The following DAPK2 variants were observed in gnomAD, a reference collection of about 807,000 sequenced individuals.
The protein encoded by DAPK2 is death-associated protein kinase 2.
Under a neutral mutation model 44.1 loss-of-function variants are expected in DAPK2, and 35 were observed. That is an observed-to-expected ratio of 0.79 (90% CI 0.61 to 1.05). The LOEUF (loss-of-function observed/expected upper bound fraction) is 1.05, where lower values mean the gene tolerates loss of function less well. Ranked by LOEUF, DAPK2 falls within the 50% of genes least tolerant of loss-of-function variation. DAPK2 has a pLI of 0.00. For missense variants in DAPK2, 453 were observed against 483.2 expected (o/e 0.94, Z 0.59); for synonymous variants, 174 against 182.6 (o/e 0.95, Z 0.38).
chr15:64,014,350 G>C (rs2079465974), intron 1 of DAPK2, among the ~76,000 whole-genome samples: 1 of 152,216 alleles, frequency 6.6e-6, no homozygotes, highest in Non-Finnish European at 1.5e-5. Context: ...ATCACACAGT[G>C]TTCTGCCTGA....
At chr15:63,976,328 A>T (rs1567245060) in intron 2 of DAPK2, among the ~76,000 whole-genome samples, 1 of 152,268 alleles carries the variant, frequency 6.6e-6, no homozygotes, top group Non-Finnish European at 1.5e-5. Context: ...ATTCTAATTT[A>T]AAAACTGAAG....
chr15:63,959,789 T>A (rs1322421223), intron 3 of DAPK2, among the ~76,000 whole-genome samples: 1 of 152,216 alleles, frequency 6.6e-6, no homozygotes, highest in Non-Finnish European at 1.5e-5. Context: ...GCATCGATGT[T>A]CATTGGGGAT....
chr15:63,978,541 C>T (rs1017128337), intron 2 of DAPK2, among the ~76,000 whole-genome samples: 6 of 152,014 alleles, frequency 3.9e-5, no homozygotes, highest in Admixed American at 2.0e-4. Flanking sequence ...AGCCACTGTG[C>T]CCCCTAGAAT....
chr15:64,038,236 T>G lies in DAPK2; in HGVS notation c.92+1934A>C, dbSNP rs144926619. 6.5e-3 allele frequency among the ~76,000 whole-genome samples: 992 copies of G among 152,134 alleles called. 13 individuals carry two copies. The highest frequency in any genetic ancestry group is 0.023 in the African/African-American group (957 of 41,482). ...ATGTATGTAACTGCCAGGGTGGAGCTCCAGGAGGGCAGAGACTGTCTCATC... is the reference window on the plus strand; with the variant it reads ...ATGTATGTAACTGCCAGGGTGGAGCGCCAGGAGGGCAGAGACTGTCTCATC... On this transcript the variant is annotated intron_variant, in intron 1 of 10. Transcript: ENST00000261891.
rs1204042141 is a variant in DAPK2, at chr15:63,923,643, C to A, written c.858+1173G>T. ...CAAGCAGGCTGCAGCCAGGACTCCG[C>A]AGGCATCTGCGCAGGGCTGGAGCAC... On this transcript the variant is annotated intron_variant, in intron 8 of 10. Coordinates refer to ENST00000261891, the Ensembl canonical transcript of DAPK2. This position sits in a 1 kb window ranked among gnomAD's most constrained non-coding sequence, Gnocchi z 4.2. Among the ~76,000 whole-genome samples the A allele has an allele frequency of 6.6e-6, 1 of 152,256 alleles. No homozygotes were observed. Among genetic ancestry groups the A allele is most frequent in the African/African-American group, 2.4e-5 (1 of 41,464 alleles).
At chr15:63,951,587 G>A (rs370796613) in intron 3 of DAPK2, among the ~76,000 whole-genome samples, 13 of 152,082 alleles carry the variant, frequency 8.5e-5, no homozygotes, top group African/African-American at 3.1e-4. Flanking sequence ...GTGATAATTG[G>A]TTACCTTTTA....
rs1567245509 is a variant in DAPK2, at chr15:63,977,035, A to AACCTTCACCTTGGGGTGG, written c.315-5475_315-5474insCCACCCCAAGGTGAAGGT. 2.2e-4 allele frequency among the ~76,000 whole-genome samples: 34 copies of AACCTTCACCTTGGGGTGG among 152,332 alleles called. 1 individual carries two copies. Among genetic ancestry groups the AACCTTCACCTTGGGGTGG allele is most frequent in the Admixed American group, 1.6e-3 (25 of 15,298 alleles). ...CATGAGGAAGGAACAAGTCTAATCC[A>AACCTTCACCTTGGGGTGG]GACTGTGAAACAGGACAAGTGGCCT... On this transcript the variant is annotated intron_variant, in intron 2 of 10. Coordinates refer to ENST00000261891, the Ensembl canonical transcript of DAPK2.
chr15:63,930,192 C>A (rs1018528979), intron 5 of DAPK2, among the ~76,000 whole-genome samples: 1 of 152,238 alleles, frequency 6.6e-6, no homozygotes, highest in Non-Finnish European at 1.5e-5. Context: ...AAAGCTCTGA[C>A]CTGGCCAGGA....
At chr15:64,007,092 G>C (rs1401059771) in intron 1 of DAPK2, among the ~76,000 whole-genome samples, 2 of 151,942 alleles carry the variant, frequency 1.3e-5, no homozygotes, top group Non-Finnish European at 2.9e-5. Flanking sequence ...CAAGTAGCTA[G>C]GACTACAAAT....
intron 1 of DAPK2, among the ~76,000 whole-genome samples, chr15:63,988,982 C>G (rs1344868056): frequency 1.3e-5 from 2 of 151,314 alleles, no homozygotes; most frequent in Non-Finnish European, 2.9e-5. Flanking sequence ...GAGTATGAGA[C>G]CAGCCTAGCC....
At chr15:64,041,088 G>A (rs1266600777), upstream of DAPK2, among the ~76,000 whole-genome samples, 1 of 152,116 alleles carries the variant, frequency 6.6e-6, no homozygotes, top group South Asian at 2.1e-4. Context: ...CTGTTAAAAG[G>A]TAAGGGATTA....
At position 63,957,530 on chromosome 15, in the gene DAPK2, C is replaced by T. The variant is rs561715425; in HGVS notation, c.453+13893G>A. 9.7e-5 allele frequency among the ~76,000 whole-genome samples: 12 copies of T among 124,198 alleles called. No homozygotes were observed. The East Asian group carries it at 2.3e-3, about 24-fold the overall frequency. 81.5% of individuals were successfully genotyped at this position (124,198 alleles called of 152,430 possible). ...CCTCCCCCCACCCCATGACAGGCCCCGGTGTGTGATGTTCCCCACCCCGTG... is the reference window on the plus strand; with the variant it reads ...CCTCCCCCCACCCCATGACAGGCCCTGGTGTGTGATGTTCCCCACCCCGTG... On this transcript the variant is annotated intron_variant, in intron 3 of 10. Coordinates refer to ENST00000261891, the Ensembl canonical transcript of DAPK2.
chr15:64,043,640 T>C (rs2080396072), upstream of DAPK2, among the ~76,000 whole-genome samples: 1 of 152,204 alleles, frequency 6.6e-6, no homozygotes, highest in African/African-American at 2.4e-5. Flanking sequence ...GTGCCAGCAA[T>C]GTTGTTTCCT....
chr15:63,994,436 AGGAAGGAAG>A (rs1342313587), intron 1 of DAPK2, among the ~76,000 whole-genome samples: 1 of 150,210 alleles, frequency 6.7e-6, no homozygotes, highest in African/African-American at 2.5e-5. Flanking sequence ...GAAGGAAGGA[AGGAAGGAAG>A]GAAGGAAGGA....
intron 1 of DAPK2, among the ~76,000 whole-genome samples, chr15:64,032,448 C>T (rs2141153106): frequency 6.6e-6 from 1 of 152,300 alleles, no homozygotes; most frequent in South Asian, 2.1e-4. Context: ...CAGCTCTGAA[C>T]CTGCTTTCAA....
intron 3 of DAPK2, among the ~76,000 whole-genome samples, chr15:63,965,810 G>T (rs1219261403): frequency 6.6e-6 from 1 of 152,234 alleles, no homozygotes; most frequent in Non-Finnish European, 1.5e-5. Flanking sequence ...CAGTCAGCTT[G>T]TGGTGAATAC....
At chr15:63,946,277 T>A (rs977790998) in intron 3 of DAPK2, among the ~76,000 whole-genome samples, 1 of 152,250 alleles carries the variant, frequency 6.6e-6, no homozygotes, top group Non-Finnish European at 1.5e-5. Flanking sequence ...GGGGCACCCA[T>A]GGCCTGTGGG....
At chr15:64,031,740 C>G (rs1362840185) in intron 1 of DAPK2, among the ~76,000 whole-genome samples, 1 of 152,174 alleles carries the variant, frequency 6.6e-6, no homozygotes, top group Non-Finnish European at 1.5e-5. Context: ...CTTGGCATCT[C>G]CTTGATAAGG....
upstream of DAPK2, among the ~76,000 whole-genome samples, chr15:64,040,589 T>C (rs1181981624): frequency 6.6e-6 from 1 of 152,000 alleles, no homozygotes; most frequent in Middle Eastern, 3.2e-3. Context: ...TCAAAACTAC[T>C]GCAAAAAGAG....
Sources: gnomAD v4.1 joint callset for allele counts (sites outside exome capture counted in the v4.1 genomes callset) on GRCh38, gnomAD v4.1.1 for gene constraint, Gnocchi (gnomAD v3.1) non-coding constraint, MANE v1.5 for transcripts, NCBI Gene and HGNC (gene_info 2026-07-23, HGNC 2026-07-21) for gene names.